The following MITF variants were observed in gnomAD, a reference collection of about 807,000 sequenced individuals.
MITF encodes the protein melanocyte inducing transcription factor.
MITF carries 17 observed loss-of-function variants against 60.5 expected under a neutral mutation model. That is an observed-to-expected ratio of 0.28 (90% CI 0.19 to 0.42). The LOEUF (loss-of-function observed/expected upper bound fraction) is 0.42, where lower values mean the gene tolerates loss of function less well. Ranked by LOEUF, MITF falls within the 10% of genes least tolerant of loss-of-function variation. MITF has a pLI of 1.00. For missense variants in MITF, 622 were observed against 683.5 expected (o/e 0.91, Z 1.00); for synonymous variants, 260 against 248.5 (o/e 1.05, Z -0.43).
chr3:69,887,866 G>A (rs1195116872), intron 2 of MITF, among the ~76,000 whole-genome samples: 1 of 151,930 alleles, frequency 6.6e-6, no homozygotes, highest in East Asian at 1.9e-4. Flanking sequence ...ATGTCCTGAT[G>A]CATTTTATTT....
chr3:69,747,001 G>C lies in MITF; in HGVS notation c.104+7300G>C, dbSNP rs574503859. 2.6e-5 allele frequency among the ~76,000 whole-genome samples: 4 copies of C among 152,280 alleles called. No homozygotes were observed. In the East Asian group the frequency reaches 7.7e-4, roughly 30 times the overall value. ...TCCTGTGGCTTTGGATGCATGCTGT[G>C]AAGAGTAGAGAAGTAGACCTTTGGA... On this transcript the variant is annotated intron_variant, in intron 1 of 9. Coordinates refer to ENST00000352241, the MANE Select transcript of MITF (RefSeq NM_001354604.2).
chr3:69,774,122 C>T (rs1340921676), intron 1 of MITF, among the ~76,000 whole-genome samples: 1 of 152,198 alleles, frequency 6.6e-6, no homozygotes, highest in African/African-American at 2.4e-5. Flanking sequence ...GGTATGTCTT[C>T]ATACCAATAT....
intron 1 of MITF, among the ~76,000 whole-genome samples, chr3:69,854,391 T>C (rs1039332170): frequency 5.9e-5 from 9 of 152,346 alleles, no homozygotes; most frequent in African/African-American, 2.2e-4. Context: ...GGTGTAGTAT[T>C]TTCATATATC....
intron 1 of MITF, among the ~76,000 whole-genome samples, chr3:69,789,591 A>T (rs2062706340): frequency 6.6e-6 from 1 of 152,128 alleles, no homozygotes; most frequent in Non-Finnish European, 1.5e-5. Flanking sequence ...ATAAAAAATT[A>T]AAAATAGTAA....
chr3:69,875,499 G>A (rs574912696), intron 1 of MITF, among the ~76,000 whole-genome samples: 1 of 152,294 alleles, frequency 6.6e-6, no homozygotes, highest in East Asian at 1.9e-4. Context: ...TACATAATCT[G>A]ATTAAAAGGA....
At chr3:69,892,692 G>A (rs1481821050) in intron 2 of MITF, among the ~76,000 whole-genome samples, 1 of 152,128 alleles carries the variant, frequency 6.6e-6, no homozygotes, top group Non-Finnish European at 1.5e-5. Context: ...TTACAAAATT[G>A]GATTTAGATA....
intron 1 of MITF, among the ~76,000 whole-genome samples, chr3:69,803,731 T>G (rs1307839302): frequency 6.6e-6 from 1 of 152,172 alleles, no homozygotes; most frequent in Non-Finnish European, 1.5e-5. Flanking sequence ...AGGCCTTGCT[T>G]CTCAACAGTT....
At chr3:69,754,312 G>T (rs1337455715) in intron 1 of MITF, among the ~76,000 whole-genome samples, 2 of 151,982 alleles carry the variant, frequency 1.3e-5, no homozygotes, top group Non-Finnish European at 2.9e-5. Context: ...CACCTCCTGG[G>T]TTCAAGTGAT....
intron 1 of MITF, among the ~76,000 whole-genome samples, chr3:69,795,546 C>G (rs2062813606): frequency 6.6e-6 from 1 of 151,908 alleles, no homozygotes; most frequent in Admixed American, 6.6e-5. Context: ...GACAACATGA[C>G]AAGACCTCAT....
chr3:69,781,141 G>C (rs1263297442), intron 1 of MITF, among the ~76,000 whole-genome samples: 1 of 151,666 alleles, frequency 6.6e-6, no homozygotes, highest in African/African-American at 2.4e-5. Flanking sequence ...GGCTTCCTTT[G>C]GAAGCATAAT....
intron 1 of MITF, among the ~76,000 whole-genome samples, chr3:69,775,223 G>T (rs1228324045): frequency 2.6e-5 from 4 of 152,162 alleles, no homozygotes; most frequent in Non-Finnish European, 5.9e-5. Flanking sequence ...GGGCCAAGGA[G>T]CACAGCTGTT....
rs893370684 is a variant in MITF, at chr3:69,939,079, T to C, written c.583-19T>C. The C allele has an allele frequency of 1.2e-6, 2 of 1,613,206 alleles. No individual in the cohort carries two copies. Among genetic ancestry groups the C allele is most frequent in the Non-Finnish European group, 8.5e-7 (1 of 1,179,696 alleles). ...TTGCAAATCCAAGTTATAGACTGTT[T>C]TTGCTTGTGTTTTTGCAGGGATTTT... is the stretch of plus-strand genomic sequence containing the variant. On this transcript the variant is annotated intron_variant, in intron 3 of 9. Transcript: ENST00000352241.
intron 1 of MITF, among the ~76,000 whole-genome samples, chr3:69,871,922 C>T (rs929367421): frequency 2.0e-5 from 3 of 151,988 alleles, no homozygotes; most frequent in Non-Finnish European, 4.4e-5. Flanking sequence ...CTTGCCATGC[C>T]GTATTAATTA....
chr3:69,836,484 G>A (rs61232727), intron 1 of MITF, among the ~76,000 whole-genome samples: 34 of 152,316 alleles, frequency 2.2e-4, no homozygotes, highest in African/African-American at 7.2e-4. Flanking sequence ...AGTACCTGGC[G>A]TTGAGTAGGG....
chr3:69,957,495 A>G (rs2066429024), intron 8 of MITF, among the ~76,000 whole-genome samples: 1 of 152,186 alleles, frequency 6.6e-6, no homozygotes, highest in African/African-American at 2.4e-5. Context: ...TCCATCTTCA[A>G]TGTTTTGCTT....
chr3:69,849,131 A>AT (rs1237711032), intron 1 of MITF, among the ~76,000 whole-genome samples: 124 of 150,800 alleles, frequency 8.2e-4, no homozygotes, highest in African/African-American at 2.7e-3. Context: ...CGCCCGGCTA[A>AT]TTTTTTGTAT....
chr3:69,948,212 T>G (rs2066148720), intron 5 of MITF, among the ~76,000 whole-genome samples: 1 of 152,114 alleles, frequency 6.6e-6, no homozygotes, highest in African/African-American at 2.4e-5. Context: ...AAACTGTATT[T>G]CAGGGCATGG....
intron 1 of MITF, chr3:69,763,796 T>C: frequency 7.3e-7 from 1 of 1,363,928 alleles, no homozygotes; most frequent in Non-Finnish European, 9.7e-7. Flanking sequence ...ATGGTTGGCA[T>C]TAATCTTGGG....
At chr3:69,887,284 C>T (rs1437825110) in intron 2 of MITF, among the ~76,000 whole-genome samples, 1 of 152,116 alleles carries the variant, frequency 6.6e-6, no homozygotes, top group Non-Finnish European at 1.5e-5. Context: ...TCAGTTAGCA[C>T]GCTTTTGAAC....
Sources: gnomAD v4.1 joint callset for allele counts (sites outside exome capture counted in the v4.1 genomes callset) on GRCh38, gnomAD v4.1.1 for gene constraint, MANE v1.5 for transcripts, NCBI Gene and HGNC (gene_info 2026-07-23, HGNC 2026-07-21) for gene names.